The following MYH10 variants were observed in gnomAD, a reference collection of about 807,000 sequenced individuals.
MYH10 encodes the protein myosin-10.
In MYH10, 55 loss-of-function variants were observed where a neutral mutation model predicts 257.8. That is an observed-to-expected ratio of 0.21 (90% CI 0.17 to 0.27). The LOEUF is 0.27. Among genes scored for constraint, MYH10 ranks in the 10% least tolerant of loss-of-function variants. MYH10 has a pLI of 1.00. For missense variants in MYH10, 1,631 were observed against 2,500.6 expected, an observed-to-expected ratio of 0.65 and a Z score of 7.42; for synonymous variants, 854 against 921.7, an observed-to-expected ratio of 0.93 and a Z score of 1.33.
chr17:8,482,606 A>G (rs1387979293), intron 37 of MYH10, among the ~76,000 whole-genome samples: 1 of 152,220 alleles, frequency 6.6e-6, no homozygotes, highest in Non-Finnish European at 1.5e-5. Flanking sequence ...CACGGGAGAA[A>G]GGAAGGGACC....
At chr17:8,487,198 TCTCAGG>T (rs1357696727) in intron 36 of MYH10, among the ~76,000 whole-genome samples, 1 of 152,216 alleles carries the variant, frequency 6.6e-6, no homozygotes, top group African/African-American at 2.4e-5. Context: ...CGCCACAGGC[TCTCAGG>T]GCCACAGGAG....
intron 2 of MYH10, among the ~76,000 whole-genome samples, chr17:8,606,300 C>T (rs1003764835): frequency 9.2e-5 from 14 of 152,058 alleles, no homozygotes; most frequent in Non-Finnish European, 2.1e-4. Context: ...CTGGGCACTA[C>T]GGAAAAACAA....
intron 36 of MYH10, among the ~76,000 whole-genome samples, chr17:8,484,593 T>C (rs1914445500): frequency 6.6e-6 from 1 of 152,150 alleles, no homozygotes; most frequent in Non-Finnish European, 1.5e-5. Context: ...AACAGAATAG[T>C]AGCAAACTGA....
rs554961662 is a variant in MYH10, at chr17:8,582,967, C to A, written c.531-5629G>T. ...TTTGAAAAACACCAGATACATATTA[C>A]CCCCTATATTATCTATACCTATGCA... is the stretch of plus-strand genomic sequence containing the variant. On this transcript the variant is annotated intron_variant, in intron 4 of 42. Transcript: ENST00000360416. Among the ~76,000 whole-genome samples, 14 of 152,282 alleles carry A rather than the reference C, an allele frequency of 9.2e-5. No homozygotes were observed. The South Asian group carries it at 2.7e-3, about 29-fold the overall frequency.
At chr17:8,532,709 C>T (rs1485225198) in intron 16 of MYH10, among the ~76,000 whole-genome samples, 2 of 152,190 alleles carry the variant, frequency 1.3e-5, no homozygotes, top group African/African-American at 4.8e-5. Flanking sequence ...AAGATTAGCT[C>T]AGTTCTAGTA....
At chr17:8,491,719 A>C (rs188272433) in intron 34 of MYH10, among the ~76,000 whole-genome samples, 1 of 152,190 alleles carries the variant, frequency 6.6e-6, no homozygotes, top group South Asian at 2.1e-4. Flanking sequence ...TTGTTTTGCT[A>C]TCTTCAACAC....
At chr17:8,528,652 G>T (rs989485234) in intron 17 of MYH10, among the ~76,000 whole-genome samples, 1 of 152,114 alleles carries the variant, frequency 6.6e-6, no homozygotes, top group African/African-American at 2.4e-5. Context: ...TTAGAGAGGT[G>T]CTTACCATAT....
chr17:8,557,394 T>TC (rs1184287201), intron 7 of MYH10, among the ~76,000 whole-genome samples: 1 of 151,952 alleles, frequency 6.6e-6, no homozygotes, highest in African/African-American at 2.4e-5. Context: ...TACACTGACT[T>TC]CCTGCTTGAG....
intron 28 of MYH10, among the ~76,000 whole-genome samples, chr17:8,501,249 C>T (rs928803409): frequency 2.6e-5 from 4 of 151,964 alleles, no homozygotes; most frequent in East Asian, 3.9e-4. Context: ...GCTATGATTG[C>T]GCCACTGCAC....
intron 7 of MYH10, among the ~76,000 whole-genome samples, chr17:8,562,454 C>T (rs558966721): frequency 1.6e-3 from 243 of 152,344 alleles, no homozygotes; most frequent in South Asian, 3.5e-3. Flanking sequence ...TTGAAACACA[C>T]ATCTAGACTA....
intron 13 of MYH10, among the ~76,000 whole-genome samples, chr17:8,543,999 T>C (rs1425012159): frequency 6.6e-6 from 1 of 152,250 alleles, no homozygotes; most frequent in Non-Finnish European, 1.5e-5. Flanking sequence ...GAAATGTGTG[T>C]ATGTGTGTGA....
At chr17:8,578,586 A>G (rs963100230) in intron 4 of MYH10, among the ~76,000 whole-genome samples, 7 of 152,184 alleles carry the variant, frequency 4.6e-5, no homozygotes, top group Non-Finnish European at 8.8e-5. Flanking sequence ...AGTAAATACT[A>G]TGAATTTTGT....
chr17:8,486,543 CAAAAAAA>C (rs67844660), intron 36 of MYH10, among the ~76,000 whole-genome samples: 25 of 120,726 alleles, frequency 2.1e-4, no homozygotes, highest in African/African-American at 8.5e-4. Flanking sequence ...TATTTAGCTT[CAAAAAAA>C]AAAAAAAAAA....
chr17:8,480,458 C>G lies in MYH10; in HGVS notation c.5332G>C (p.Glu1778Gln). ...AGCAGCTCCATGTTGCTCTGCTCCT[C>G]TTCCAGCTCCTCCTCCAGCTGTGCG... Reference protein sequence around the residue: ...RIAQLEEELEEEQSNMELLND... With the variant: ...RIAQLEEELEQEQSNMELLND... Residue 1778 changes from glutamate (E) to glutamine (Q), a missense_variant, in exon 39 of 43, where the codon GAG becomes CAG. Transcript: ENST00000360416. 1 of 1,612,814 alleles carries G rather than the reference C, an allele frequency of 6.2e-7. No individual in the cohort carries two copies. Among genetic ancestry groups the G allele is most frequent in the Non-Finnish European group, 8.5e-7 (1 of 1,180,000 alleles).
At chr17:8,487,829 G>A (rs908916964) in intron 35 of MYH10, among the ~76,000 whole-genome samples, 2 of 152,142 alleles carry the variant, frequency 1.3e-5, no homozygotes, top group African/African-American at 2.4e-5. Flanking sequence ...TGACTGCTAC[G>A]AGGGCATGCG....
At chr17:8,513,749 T>C in intron 22 of MYH10, 37 bp downstream of exon 22, 1 of 1,612,312 alleles carries the variant, frequency 6.2e-7, no homozygotes, top group Non-Finnish European at 8.5e-7. Context: ...GACTCTGCTA[T>C]TTGAAAGGGA....
At chr17:8,583,866 C>T (rs2083801425) in intron 4 of MYH10, among the ~76,000 whole-genome samples, 1 of 152,126 alleles carries the variant, frequency 6.6e-6, no homozygotes, top group African/African-American at 2.4e-5. Flanking sequence ...CTCAAATATA[C>T]TCAAAAGGAG....
rs374666252 is a variant in MYH10 at position 8,535,738 on chromosome 17, T to C, written c.1779+20A>G. 2.5e-6 allele frequency: 4 copies of C among 1,601,078 alleles called. No individual in the cohort carries two copies. Among genetic ancestry groups the C allele is most frequent in the Non-Finnish European group, 3.4e-6 (4 of 1,172,758 alleles). ...AAACACAGCCATTTTAATCCAGTTA[T>C]TCAACATAAGAGCTCTTACCTTCCC... On this transcript the variant is annotated intron_variant, in intron 15 of 42. Coordinates refer to ENST00000360416, the MANE Select transcript of MYH10 (RefSeq NM_001256012.3). This position sits in a 1 kb window ranked among gnomAD's most constrained non-coding sequence, Gnocchi z 4.3.
chr17:8,514,408 G>A (rs1293223436), intron 21 of MYH10, among the ~76,000 whole-genome samples: 2 of 152,066 alleles, frequency 1.3e-5, no homozygotes, highest in African/African-American at 4.8e-5. Flanking sequence ...CTACAATGGG[G>A]TTGTCAATGT....
Sources: allele counts gnomAD v4.1 joint callset (sites outside exome capture counted in the v4.1 genomes callset), GRCh38; gene constraint gnomAD v4.1.1; non-coding constraint Gnocchi (gnomAD v3.1); transcripts MANE v1.5; gene names NCBI Gene and HGNC (gene_info 2026-07-23, HGNC 2026-07-21).